The following TMEM175 variants were observed in gnomAD, a reference collection of about 807,000 sequenced individuals.
TMEM175 encodes transmembrane protein 175.
A neutral mutation model predicts 36.5 loss-of-function variants in TMEM175; 36 were observed. That is an observed-to-expected ratio of 0.99 (90% CI 0.76 to 1.30). TMEM175 has a LOEUF of 1.30. TMEM175 is among the 50% of genes most tolerant of loss of function. The probability of loss-of-function intolerance (pLI) is 0.00; values close to 1 mark genes in which losing one functional copy is unlikely to be tolerated. For synonymous variants in TMEM175, 339 were observed against 313.4 expected (o/e 1.08, Z -0.86); for missense variants, 705 against 692.8 (o/e 1.02, Z -0.20).
At chr4:952,272 C>G in intron 6 of TMEM175, 95 bp from the exon 7 acceptor site, 1 of 1,109,972 alleles carries the variant, frequency 9.0e-7, no homozygotes, top group Non-Finnish European at 1.4e-6. Context: ...CCCAGCGTCC[C>G]GTGGAGTGGG....
Position 948,561 on chromosome 4 carries a change from A to G in TMEM175, c.192+407A>G, listed in dbSNP as rs1400081956. On this transcript the variant is annotated intron_variant, in intron 3 of 10. Coordinates refer to ENST00000264771, the MANE Select transcript of TMEM175 (RefSeq NM_032326.4). Reference sequence around the variant, plus strand: ...GTAGCTGCTCTGAGTAAACGCGGCCAGCGCCCCGTCTCAGCGGGGACACTC... The same window carrying G: ...GTAGCTGCTCTGAGTAAACGCGGCCGGCGCCCCGTCTCAGCGGGGACACTC... 2.3e-6 allele frequency: 3 copies of G among 1,333,038 alleles called. No individual in the cohort carries two copies. In the Admixed American group the frequency reaches 6.7e-5, roughly 30 times the overall value. 82.6% of individuals were successfully genotyped at this position (1,333,038 alleles called of 1,614,324 possible). A position where few individuals can be genotyped will look rare whatever the true frequency, so the allele number is the denominator to read the frequency against.
In TMEM175 at chr4:957,811, T is replaced by A; in HGVS notation, c.843-13T>A. The A allele has an allele frequency of 6.3e-7, 1 of 1,591,668 alleles. No homozygotes were observed. Among genetic ancestry groups the A allele is most frequent in the Non-Finnish European group, 8.6e-7 (1 of 1,167,978 alleles). ...GCAAGGCCGGCACAAATGCATCTATTCACTGTTCTCAGCGAAGACAACGTC... is the reference window on the plus strand; with the variant it reads ...GCAAGGCCGGCACAAATGCATCTATACACTGTTCTCAGCGAAGACAACGTC... On this transcript the variant is annotated splice_polypyrimidine_tract_variant and intron_variant, in intron 10 of 10. Coordinates refer to ENST00000264771, the MANE Select transcript of TMEM175 (RefSeq NM_032326.4).
At position 956,448 on chromosome 4, in the gene TMEM175, T is replaced by TC. The variant is rs1212952670; in HGVS notation, c.842+558_842+559insC. ...ACGTTTTTGGTTTTTGTGGGGTTTT[T>TC]TTTTTTTTTTTTTTGAGACAGTCCT... On this transcript the variant is annotated intron_variant, in intron 10 of 10. Transcript: ENST00000264771. 5.6e-6 allele frequency: 7 copies of TC among 1,260,008 alleles called. No individual in the cohort carries two copies. The East Asian group carries it at 2.2e-4, about 40-fold the overall frequency. The allele number at this position is 1,260,008 out of a possible 1,614,324, so 78.1% of individuals were successfully genotyped here. A position where few individuals can be genotyped will look rare whatever the true frequency, so the allele number is the denominator to read the frequency against.
At chr4:943,807 C>A (rs1727809361) in intron 1 of TMEM175, among the ~76,000 whole-genome samples, 1 of 152,146 alleles carries the variant, frequency 6.6e-6, no homozygotes, top group African/African-American at 2.4e-5. Context: ...CATAATTGTG[C>A]AAAATGAAAC....
At chr4:947,651 G>A in intron 1 of TMEM175, 58 bp from the exon 2 acceptor site, 4 of 1,432,626 alleles carry the variant, frequency 2.8e-6, no homozygotes, top group Non-Finnish European at 3.8e-6. Flanking sequence ...GGCTGAGGCT[G>A]CATGGCCGAC....
At position 950,511 on chromosome 4, in the gene TMEM175, C is replaced by T; in HGVS notation, c.283C>T (p.His95Tyr). 1.2e-6 allele frequency: 2 copies of T among 1,613,708 alleles called. No homozygotes were observed. Among genetic ancestry groups the T allele is most frequent in the Middle Eastern group, 1.7e-4 (1 of 6,054 alleles). Residue 95 changes from histidine (H) to tyrosine (Y), a missense_variant, in exon 4 of 11, where the codon CAC becomes TAC. Transcript: ENST00000264771. ...FLIVTVAWAA[H>Y]TRLFQVVGKT... ...CATCGTGACAGTGGCCTGGGCAGCA[C>T]ACACAAGGTGGGGGCCCGGGCGCTT...
chr4:946,357 G>A (rs1331248261), intron 1 of TMEM175, among the ~76,000 whole-genome samples: 5 of 152,256 alleles, frequency 3.3e-5, no homozygotes, highest in Non-Finnish European at 7.3e-5. Context: ...CACATTCTAT[G>A]TTTGGGGAAC....
chr4:944,588 A>G (rs1328443158), intron 1 of TMEM175, among the ~76,000 whole-genome samples: 1 of 152,104 alleles, frequency 6.6e-6, no homozygotes, highest in African/African-American at 2.4e-5. Context: ...TTCTTACCGT[A>G]TACACATACG....
intron 10 of TMEM175, chr4:956,300 C>A (rs1729628765): frequency 1.6e-6 from 2 of 1,283,038 alleles, no homozygotes; most frequent in Admixed American, 2.6e-5. Context: ...CTCCCAGTGC[C>A]CCCCATCGCT....
At chr4:938,528 T>G (rs554312717) in intron 1 of TMEM175, among the ~76,000 whole-genome samples, 18 of 151,760 alleles carry the variant, frequency 1.2e-4, no homozygotes, top group Non-Finnish European at 2.6e-4. Context: ...AAAAATCGGA[T>G]AGAATCTATA....
intron 10 of TMEM175, 77 bp from the exon 11 acceptor site, chr4:957,747 C>G: frequency 6.9e-7 from 1 of 1,445,458 alleles, no homozygotes. Flanking sequence ...GCAGCCCTGA[C>G]AGGCGCTCAG....
intron 1 of TMEM175, among the ~76,000 whole-genome samples, chr4:944,419 A>T (rs947117382): frequency 3.9e-5 from 6 of 152,200 alleles, no homozygotes; most frequent in Non-Finnish European, 8.8e-5. Context: ...AGTTTGCTGG[A>T]TTGTGGCTAG....
intron 1 of TMEM175, among the ~76,000 whole-genome samples, chr4:934,404 C>T (rs536949599): frequency 1.3e-5 from 2 of 151,674 alleles, no homozygotes; most frequent in African/African-American, 2.4e-5. Flanking sequence ...CTAAGAGTGT[C>T]GAATGCCACT....
intron 8 of TMEM175, among the ~76,000 whole-genome samples, chr4:954,685 CTGTT>C (rs1377608090): frequency 1.1e-4 from 17 of 152,140 alleles, no homozygotes; most frequent in Admixed American, 1.1e-3. Flanking sequence ...TTTGGTGATT[CTGTT>C]TAATTTTTTA....
Position 952,361 on chromosome 4 carries a change from T to G in TMEM175, c.379-6T>G. 1 of 1,611,478 alleles carries G rather than the reference T, an allele frequency of 6.2e-7. No homozygotes were observed. Among genetic ancestry groups the G allele is most frequent in the East Asian group, 2.2e-5 (1 of 44,872 alleles). ...GGGGGGTTTGGTTTTGTTTTTGTTTTAACAGTTTTCGTTAATGGTGACCTT... is the reference window on the plus strand; with the variant it reads ...GGGGGGTTTGGTTTTGTTTTTGTTTGAACAGTTTTCGTTAATGGTGACCTT... On this transcript the variant is annotated splice_region_variant and splice_polypyrimidine_tract_variant and intron_variant, in intron 6 of 10. Transcript: ENST00000264771.
At chr4:952,881 C>G (rs1729126918) in intron 7 of TMEM175, among the ~76,000 whole-genome samples, 1 of 152,066 alleles carries the variant, frequency 6.6e-6, no homozygotes, top group African/African-American at 2.4e-5. Context: ...AGAGTCCCCG[C>G]TTTCTGACCA....
chr4:952,575 G>GTA (rs1279907377), intron 7 of TMEM175, 125 bp downstream of exon 7: 33 of 867,432 alleles, frequency 3.8e-5, no homozygotes, highest in Non-Finnish European at 5.4e-5. Context: ...GTGTGTGTGT[G>GTA]TGTGTGTGTG....
At chr4:942,699 G>T (rs934693757) in intron 1 of TMEM175, among the ~76,000 whole-genome samples, 1 of 151,266 alleles carries the variant, frequency 6.6e-6, no homozygotes, top group Non-Finnish European at 1.5e-5. Context: ...GCGTACAGTG[G>T]TGCAATCTCA....
In TMEM175 at chr4:958,152, C is replaced by T. The variant is rs754071259; in HGVS notation, c.1171C>T (p.Leu391=). 1.9e-6 allele frequency: 3 copies of T among 1,603,362 alleles called. No individual in the cohort carries two copies. Among genetic ancestry groups the T allele is most frequent in the African/African-American group, 2.7e-5 (2 of 74,946 alleles). The change falls in exon 11 of 11, where the codon CTG becomes TTG. Residue 391 remains leucine, a synonymous_variant. Coordinates refer to ENST00000264771, the MANE Select transcript of TMEM175 (RefSeq NM_032326.4). ...CATCTTCCTGGCCAGCATCTTCCAGCTGGCCATGTGGACCACGGCGCTGCT... is the reference window on the plus strand; with the variant it reads ...CATCTTCCTGGCCAGCATCTTCCAGTTGGCCATGTGGACCACGGCGCTGCT... The part of the protein sequence containing the change: ...TIIFLASIFQ[L]AMWTTALLHQ...
Sources: allele counts gnomAD v4.1 joint callset (sites outside exome capture counted in the v4.1 genomes callset), GRCh38; gene constraint gnomAD v4.1.1; transcripts MANE v1.5; gene names NCBI Gene and HGNC (gene_info 2026-07-23, HGNC 2026-07-21).